HNF1B: variants seen among roughly 807,000 people sequenced by gnomAD.
HNF1B encodes HNF1 homeobox B.
Under a neutral mutation model 61.7 loss-of-function variants are expected in HNF1B, and 8 were observed. The observed-to-expected ratio is 0.13, with a 90% CI of 0.08 to 0.23. The LOEUF is 0.23. Among genes scored for constraint, HNF1B ranks in the 10% least tolerant of loss-of-function variants. The pLI, the probability that HNF1B is intolerant of heterozygous loss-of-function variation, is 1.00. For missense variants in HNF1B, 562 were observed against 714.5 expected (o/e 0.79, Z 2.43); for synonymous variants, 314 against 287.7 (o/e 1.09, Z -0.93).
At position 37,699,689 on chromosome 17, in the gene HNF1B, A is replaced by G. The variant is rs149000935; in HGVS notation, c.1535-495T>C. 5.9e-3 allele frequency among the ~76,000 whole-genome samples: 897 copies of G among 152,328 alleles called. 7 individuals carry two copies. Among genetic ancestry groups the G allele is most frequent in the African/African-American group, 0.02 (836 of 41,568 alleles). The stretch of plus-strand genomic sequence containing the variant: ...AAGGGATGGGGTAAGTGGGGAGCAC[A>G]TCACCAGGCTCTGGGAGGAAGGGAA... On this transcript the variant is annotated intron_variant, in intron 7 of 8. Transcript: ENST00000617811.
chr17:37,695,658 T>G (rs570545656), intron 8 of HNF1B, among the ~76,000 whole-genome samples: 14 of 152,368 alleles, frequency 9.2e-5, no homozygotes, highest in Admixed American at 7.8e-4. Context: ...GTGCCCAGGA[T>G]GTGGGACATG....
intron 6 of HNF1B, among the ~76,000 whole-genome samples, chr17:37,703,877 A>G (rs779318140): frequency 4.6e-5 from 7 of 152,190 alleles, no homozygotes; most frequent in Non-Finnish European, 8.8e-5. Context: ...CCAAGTTCCG[A>G]CCCTAGCTAA....
intron 1 of HNF1B, among the ~76,000 whole-genome samples, chr17:37,741,186 T>A (rs981378120): frequency 6.6e-6 from 1 of 152,180 alleles, no homozygotes; most frequent in Non-Finnish European, 1.5e-5. Flanking sequence ...AATAAGCAAT[T>A]TTATTTCTAA....
intron 4 of HNF1B, among the ~76,000 whole-genome samples, chr17:37,725,646 A>G (rs986524183): frequency 1.3e-5 from 2 of 152,238 alleles, no homozygotes; most frequent in Non-Finnish European, 2.9e-5. Context: ...AGAATAGCAG[A>G]CATTTCAAGG....
chr17:37,706,634 AG>A (rs772861110), intron 5 of HNF1B, among the ~76,000 whole-genome samples: 25 of 151,776 alleles, frequency 1.6e-4, no homozygotes, highest in African/African-American at 3.9e-4. Context: ...ACAAGAGAGA[AG>A]CAGCCTGTTT....
At chr17:37,707,140 G>A (rs1019165462) in intron 5 of HNF1B, among the ~76,000 whole-genome samples, 7 of 147,384 alleles carry the variant, frequency 4.7e-5, no homozygotes, top group African/African-American at 1.7e-4. Flanking sequence ...TTTTGAGACA[G>A]GGTCTTACTC....
chr17:37,698,273 G>C (rs1233314585), intron 8 of HNF1B, among the ~76,000 whole-genome samples: 1 of 152,036 alleles, frequency 6.6e-6, no homozygotes, highest in African/African-American at 2.4e-5. Context: ...AGGTCTCATT[G>C]TGTTACTCTG....
At chr17:37,698,608 C>A (rs1568636377) in intron 8 of HNF1B, among the ~76,000 whole-genome samples, 1 of 152,166 alleles carries the variant, frequency 6.6e-6, no homozygotes, top group African/African-American at 2.4e-5. Context: ...TTATGGCATT[C>A]TGGGTCCAGG....
chr17:37,709,485 G>C (rs1220733682), intron 5 of HNF1B, among the ~76,000 whole-genome samples: 1 of 151,756 alleles, frequency 6.6e-6, no homozygotes, highest in Non-Finnish European at 1.5e-5. Context: ...AAACTTTCTG[G>C]CCTCAAGTGA....
chr17:37,733,889 G>A (rs1343428546), intron 2 of HNF1B, 68 bp from the exon 3 acceptor site: 1 of 1,560,978 alleles, frequency 6.4e-7, no homozygotes, highest in Non-Finnish European at 8.8e-7. Context: ...CAGACAGACA[G>A]ACAGACAACG....
chr17:37,710,911 A>AT (rs1333988615), intron 4 of HNF1B, among the ~76,000 whole-genome samples: 2 of 152,232 alleles, frequency 1.3e-5, no homozygotes, highest in East Asian at 3.8e-4. Flanking sequence ...TCACTGATGT[A>AT]TCCCCAGTGC....
At chr17:37,696,009 T>C (rs1012068358) in intron 8 of HNF1B, among the ~76,000 whole-genome samples, 1 of 152,088 alleles carries the variant, frequency 6.6e-6, no homozygotes, top group Non-Finnish European at 1.5e-5. Flanking sequence ...TGGAATGATA[T>C]GGTCTGGATG....
At chr17:37,722,463 T>C (rs1203594956) in intron 4 of HNF1B, among the ~76,000 whole-genome samples, 2 of 152,132 alleles carry the variant, frequency 1.3e-5, no homozygotes, top group African/African-American at 4.8e-5. Flanking sequence ...CCAAGCCTGA[T>C]TTGGGTGCTA....
At chr17:37,702,447 A>G (rs903383598) in intron 6 of HNF1B, among the ~76,000 whole-genome samples, 2 of 152,118 alleles carry the variant, frequency 1.3e-5, no homozygotes, top group African/African-American at 4.8e-5. Flanking sequence ...TCACCCTCAG[A>G]ACAGCACTGT....
At chr17:37,733,517 T>TA (rs1568665556) in intron 3 of HNF1B, 40 bp downstream of exon 3, 3 of 1,613,356 alleles carry the variant, frequency 1.9e-6, no homozygotes, top group Non-Finnish European at 1.7e-6. Flanking sequence ...TGGGTCTGTG[T>TA]ACTTGCCCAC....
Position 37,731,638 on chromosome 17 carries a change from G to T in HNF1B, c.1002C>A (p.Ser334=). ...HSLNPLLSHG[S]PHHQPSSSPP... is the part of the protein sequence containing the mutation. ...GAGAGGAGCTGGGCTGGTGGTGGGG[G>T]GAGCCGTGGGAGAGCAGAGGGTTCA... Residue 334 remains serine, a synonymous_variant, in exon 4 of 9, where the codon TCC becomes TCA. Coordinates refer to ENST00000617811, the MANE Select transcript of HNF1B (RefSeq NM_000458.4). 6.2e-7 allele frequency: 1 copy of T among 1,614,014 alleles called. No homozygotes were observed. Among genetic ancestry groups the T allele is most frequent in the South Asian group, 1.1e-5 (1 of 91,054 alleles).
At chr17:37,699,324 T>C (rs1197658239) in intron 7 of HNF1B, 130 bp from the exon 8 acceptor site, 2 of 763,066 alleles carry the variant, frequency 2.6e-6, no homozygotes, top group African/African-American at 1.7e-5. Flanking sequence ...TAGTGGGGAT[T>C]TCTCATATTA....
At chr17:37,696,423 C>T (rs575225548) in intron 8 of HNF1B, among the ~76,000 whole-genome samples, 40 of 152,144 alleles carry the variant, frequency 2.6e-4, no homozygotes, top group African/African-American at 8.9e-4. Flanking sequence ...GGTGACAGAA[C>T]GGGACCCTGT....
At chr17:37,724,015 AT>A (rs1420826411) in intron 4 of HNF1B, among the ~76,000 whole-genome samples, 1 of 152,182 alleles carries the variant, frequency 6.6e-6, no homozygotes, top group African/African-American at 2.4e-5. Context: ...TGCTGGCTGG[AT>A]TTAAAAGAGC....
Sources: allele counts gnomAD v4.1 joint callset (sites outside exome capture counted in the v4.1 genomes callset), GRCh38; gene constraint gnomAD v4.1.1; transcripts MANE v1.5; gene names NCBI Gene and HGNC (gene_info 2026-07-23, HGNC 2026-07-21).